C10orf67: variants seen among roughly 807,000 people sequenced by gnomAD.
C10orf67 encodes the protein chromosome 10 open reading frame 67.
Under a neutral mutation model 35.6 loss-of-function variants are expected in C10orf67, and 60 were observed. The ratio of observed to expected loss-of-function variants is 1.68; its 90% CI spans 1.37 to 2.09. The LOEUF is 2.09. Among genes scored for constraint, C10orf67 ranks in the 30% most tolerant of loss-of-function variants. C10orf67 has a pLI of 0.00. For synonymous variants in C10orf67, 167 were observed against 115.8 expected, an observed-to-expected ratio of 1.44 and a Z score of -2.84; for missense variants, 474 against 330.2, an observed-to-expected ratio of 1.44 and a Z score of -3.38.
intron 13 of C10orf67, among the ~76,000 whole-genome samples, chr10:23,233,194 G>C (rs977171525): frequency 6.6e-6 from 1 of 152,086 alleles, no homozygotes; most frequent in Non-Finnish European, 1.5e-5. Context: ...AAACATGTCT[G>C]AGTTGAAGAA....
intron 4 of C10orf67, among the ~76,000 whole-genome samples, chr10:23,312,927 C>T (rs1844552613): frequency 6.6e-6 from 1 of 152,188 alleles, no homozygotes; most frequent in Non-Finnish European, 1.5e-5. Flanking sequence ...CGGACTCAAG[C>T]TATAACATCA....
chr10:23,323,169 G>T (rs1431868582), intron 2 of C10orf67, among the ~76,000 whole-genome samples: 2 of 152,166 alleles, frequency 1.3e-5, no homozygotes, highest in African/African-American at 2.4e-5. Context: ...ACCTCAAAAG[G>T]TATAGTTCTC....
intron 10 of C10orf67, among the ~76,000 whole-genome samples, 154 bp from the exon 11 acceptor site, chr10:23,250,845 C>T (rs1020630294): frequency 4.6e-5 from 7 of 152,014 alleles, no homozygotes; most frequent in Non-Finnish European, 8.8e-5. Flanking sequence ...CGCCTGTAAT[C>T]CCAACATTTT....
At chr10:23,301,524 A>G (rs1844074562) in intron 5 of C10orf67, among the ~76,000 whole-genome samples, 1 of 152,210 alleles carries the variant, frequency 6.6e-6, no homozygotes, top group African/African-American at 2.4e-5. Flanking sequence ...TGGGTCACCA[A>G]AATGTTACTG....
intron 13 of C10orf67, among the ~76,000 whole-genome samples, chr10:23,224,193 G>C (rs567476348): frequency 1.3e-5 from 2 of 152,290 alleles, no homozygotes; most frequent in South Asian, 4.1e-4. Flanking sequence ...CCAGAGGAAC[G>C]ATCAGGCAGT....
chr10:23,260,797 C>A lies in C10orf67; in HGVS notation c.1200+5465G>T, dbSNP rs576280333. Among the ~76,000 whole-genome samples, 69 of 152,250 alleles carry A rather than the reference C, an allele frequency of 4.5e-4. 1 individual carries two copies. Among genetic ancestry groups the A allele is most frequent in the African/African-American group, 1.6e-3 (66 of 41,544 alleles). ...CTGTTTGGATGCTTCAGTCTGAAATCTTTTTTATATTACTTTCCTAATGTT... is the reference window on the plus strand; with the variant it reads ...CTGTTTGGATGCTTCAGTCTGAAATATTTTTTATATTACTTTCCTAATGTT... On this transcript the variant is annotated intron_variant, in intron 10 of 15. Coordinates refer to ENST00000636213, the MANE Select transcript of C10orf67 (RefSeq NM_001371909.1).
intron 2 of C10orf67, among the ~76,000 whole-genome samples, chr10:23,330,963 G>A (rs1845422370): frequency 6.6e-6 from 1 of 150,856 alleles, no homozygotes. Context: ...AGGAAAACCG[G>A]GAAGGGAAGG....
intron 12 of C10orf67, among the ~76,000 whole-genome samples, chr10:23,241,052 GC>G (rs991659861): frequency 5.9e-5 from 9 of 152,316 alleles, no homozygotes; most frequent in Middle Eastern, 3.4e-3. Flanking sequence ...AGTGCTTTGG[GC>G]CCAGAAGGTG....
chr10:23,254,677 A>G (rs1201868864), intron 10 of C10orf67, among the ~76,000 whole-genome samples: 1 of 152,204 alleles, frequency 6.6e-6, no homozygotes, highest in East Asian at 1.9e-4. Flanking sequence ...ATTTTTAAAA[A>G]TTTAACAAAT....
rs1023740425 is a variant in C10orf67 at position 23,303,448 on chromosome 10, C to G, written c.558G>C (p.Glu186Asp). 3.6e-6 allele frequency: 2 copies of G among 561,204 alleles called. No individual in the cohort carries two copies. The highest frequency in any genetic ancestry group is 6.4e-6 in the Non-Finnish European group (2 of 311,542). The allele number at this position is 561,204 out of a possible 1,614,324, so 34.8% of individuals were successfully genotyped here. A position where few individuals can be genotyped will look rare whatever the true frequency, so the allele number is the denominator to read the frequency against. Residue 186 changes from glutamate to aspartate, a missense_variant, in exon 5 of 16, where the codon GAG becomes GAC. By Grantham distance (45) the Glu-to-Asp change is conservative. Transcript: ENST00000636213. ...VIKGMYQQFF[E>D]VEEENVSLQD... The stretch of plus-strand genomic sequence containing the variant: ...GCAAAGAAACATTCTCTTCTTCTAC[C>G]TCAAAGAATTGCTAGGGACAAAAAA...
chr10:23,219,136 A>G (rs961887766), intron 15 of C10orf67, among the ~76,000 whole-genome samples: 10 of 152,230 alleles, frequency 6.6e-5, no homozygotes, highest in African/African-American at 2.2e-4. Context: ...TATATCTAAT[A>G]TGTTACAATT....
chr10:23,277,134 C>G (rs1843213878), intron 8 of C10orf67, among the ~76,000 whole-genome samples: 1 of 152,172 alleles, frequency 6.6e-6, no homozygotes, highest in Non-Finnish European at 1.5e-5. Flanking sequence ...TTTCTTCATT[C>G]TCATGGTCTC....
At chr10:23,302,929 AG>A (rs1316456565) in intron 5 of C10orf67, among the ~76,000 whole-genome samples, 2 of 152,216 alleles carry the variant, frequency 1.3e-5, no homozygotes, top group African/African-American at 4.8e-5. Flanking sequence ...TGGCTTGGAA[AG>A]ATTAGCTTTG....
intron 12 of C10orf67, among the ~76,000 whole-genome samples, chr10:23,247,623 T>C (rs958826135): frequency 1.3e-5 from 2 of 152,256 alleles, no homozygotes; most frequent in African/African-American, 4.8e-5. Flanking sequence ...TGAATAACTT[T>C]ATATCAATAA....
At chr10:23,325,540 A>AC (rs1392536429) in intron 2 of C10orf67, among the ~76,000 whole-genome samples, 1 of 145,650 alleles carries the variant, frequency 6.9e-6, no homozygotes, top group Non-Finnish European at 1.5e-5. Context: ...TGCAAAAAAA[A>AC]AAAAAACAAA....
chr10:23,232,496 G>A (rs1841938365), intron 13 of C10orf67, among the ~76,000 whole-genome samples: 1 of 152,210 alleles, frequency 6.6e-6, no homozygotes, highest in Admixed American at 6.5e-5. Flanking sequence ...CTGGCATTTA[G>A]TTTGCCACGG....
At chr10:23,319,773 C>A (rs1844870490) in intron 4 of C10orf67, among the ~76,000 whole-genome samples, 1 of 152,184 alleles carries the variant, frequency 6.6e-6, no homozygotes, top group African/African-American at 2.4e-5. Context: ...TCCAAAATCT[C>A]ACAGCCAACT....
chr10:23,211,470 TGTGTGTGTGGGG>T (rs749573594), intron 15 of C10orf67, among the ~76,000 whole-genome samples: 42 of 120,708 alleles, frequency 3.5e-4, no homozygotes, highest in Non-Finnish European at 5.6e-4. Context: ...TGTGTGTGTG[TGTGTGTGTGGGG>T]GGGGGGGGTA....
chr10:23,332,439 T>C (rs1845523540), intron 2 of C10orf67, among the ~76,000 whole-genome samples: 1 of 152,154 alleles, frequency 6.6e-6, no homozygotes, highest in Non-Finnish European at 1.5e-5. Flanking sequence ...TCTCAGTACT[T>C]TGGGAGGCTG....
Sources: gnomAD v4.1 joint callset for allele counts (sites outside exome capture counted in the v4.1 genomes callset) on GRCh38, gnomAD v4.1.1 for gene constraint, MANE v1.5 for transcripts, NCBI Gene and HGNC (gene_info 2026-07-23, HGNC 2026-07-21) for gene names.